The following ARHGAP44 variants were observed in gnomAD, a reference collection of about 807,000 sequenced individuals.
The protein encoded by ARHGAP44 is Rho GTPase activating protein 44, also known as rho GTPase-activating protein 44.
ARHGAP44 carries 43 observed loss-of-function variants against 106.8 expected under a neutral mutation model. The ratio of observed to expected loss-of-function variants is 0.40; its 90% CI spans 0.32 to 0.52. The LOEUF (loss-of-function observed/expected upper bound fraction) is 0.52. Among genes scored for constraint, ARHGAP44 ranks in the 20% least tolerant of loss-of-function variants. The pLI is 0.48. For missense variants in ARHGAP44, 866 were observed against 1,050.5 expected (o/e 0.82, Z 2.43); for synonymous variants, 439 against 410.3 (o/e 1.07, Z -0.85).
intron 16 of ARHGAP44, among the ~76,000 whole-genome samples, chr17:12,968,354 C>T (rs559244037): frequency 2.0e-5 from 3 of 152,190 alleles, no homozygotes; most frequent in Non-Finnish European, 4.4e-5. Flanking sequence ...CTGACGGTTG[C>T]AGGAGGCTCC....
In ARHGAP44 at chr17:12,902,554, T is replaced by C. The variant is rs554814923; in HGVS notation, c.198+6043T>C. The stretch of plus-strand genomic sequence containing the variant: ...CGTTCTCCGTGCCTAAAAAAGAGCC[T>C]GCCCCAGCAGGGCAATGGTACAAGT... On this transcript the variant is annotated intron_variant, in intron 3 of 20. Transcript: ENST00000379672. Among the ~76,000 whole-genome samples, 8 of 152,342 alleles carry C rather than the reference T, an allele frequency of 5.3e-5. No homozygotes were observed. The South Asian group carries it at 1.7e-3, about 32-fold the overall frequency.
At chr17:12,812,340 C>T (rs899711864) in intron 1 of ARHGAP44, among the ~76,000 whole-genome samples, 2 of 151,952 alleles carry the variant, frequency 1.3e-5, no homozygotes, top group African/African-American at 4.8e-5. Context: ...GGTTGGACTT[C>T]GGAAGGACGC....
chr17:12,987,481 A>T, intron 20 of ARHGAP44: 1 of 232,028 alleles, frequency 4.3e-6, no homozygotes, highest in Middle Eastern at 1.5e-3. Flanking sequence ...GAGCTGTAAC[A>T]GATCTGTTCT....
chr17:12,876,909 CAAA>C (rs59331390), intron 1 of ARHGAP44, among the ~76,000 whole-genome samples: 13 of 90,666 alleles, frequency 1.4e-4, no homozygotes, highest in Admixed American at 4.8e-4. Context: ...GACTCCGTCT[CAAA>C]AAAAAAAAAA....
At chr17:12,946,091 C>T (rs910138709) in intron 10 of ARHGAP44, among the ~76,000 whole-genome samples, 15 of 152,146 alleles carry the variant, frequency 9.9e-5, no homozygotes, top group African/African-American at 3.4e-4. Context: ...TCTACCATCC[C>T]TGAGAGAGAG....
chr17:12,875,944 C>CAA (rs80241135), intron 1 of ARHGAP44, among the ~76,000 whole-genome samples: 14 of 109,174 alleles, frequency 1.3e-4, no homozygotes, highest in Admixed American at 1.9e-4. Context: ...GACTTCGTCT[C>CAA]AAAAAAAAAA....
At chr17:12,926,411 A>G (rs1461831163) in intron 6 of ARHGAP44, among the ~76,000 whole-genome samples, 1 of 143,262 alleles carries the variant, frequency 7.0e-6, no homozygotes, top group African/African-American at 2.5e-5. Flanking sequence ...TTGTATATAT[A>G]TAATATATAT....
chr17:12,841,592 TCTCACACACA>T (rs1224595245), intron 1 of ARHGAP44, among the ~76,000 whole-genome samples: 4 of 118,818 alleles, frequency 3.4e-5, no homozygotes, highest in Non-Finnish European at 6.7e-5. Flanking sequence ...TCTGTCTCTC[TCTCACACACA>T]CACACACACA....
intron 1 of ARHGAP44, among the ~76,000 whole-genome samples, chr17:12,799,758 T>C (rs1597856597): frequency 6.6e-6 from 1 of 152,092 alleles, no homozygotes. Flanking sequence ...GCCTCCTGAG[T>C]AGCTGAGATT....
chr17:12,939,280 T>C (rs1306845081), intron 7 of ARHGAP44, among the ~76,000 whole-genome samples: 1 of 151,980 alleles, frequency 6.6e-6, no homozygotes, highest in Non-Finnish European at 1.5e-5. Flanking sequence ...CAGCAAACAG[T>C]TGTGGCGCCC....
At chr17:12,985,451 C>T (rs530140858) in intron 20 of ARHGAP44, 1 of 152,458 alleles carries the variant, frequency 6.6e-6, no homozygotes, top group South Asian at 2.1e-4. Flanking sequence ...CTCCACCAGA[C>T]TCCCCTCCCT....
At chr17:12,858,708 A>C (rs2035979739) in intron 1 of ARHGAP44, among the ~76,000 whole-genome samples, 1 of 152,162 alleles carries the variant, frequency 6.6e-6, no homozygotes, top group Non-Finnish European at 1.5e-5. Context: ...CAGATGACTA[A>C]ATTGAGATGA....
chr17:12,842,284 G>T (rs2035433237), intron 1 of ARHGAP44, among the ~76,000 whole-genome samples: 1 of 151,830 alleles, frequency 6.6e-6, no homozygotes, highest in Non-Finnish European at 1.5e-5. Context: ...GGATGTGGTG[G>T]CACACACCTG....
intron 1 of ARHGAP44, among the ~76,000 whole-genome samples, chr17:12,808,925 A>G (rs1285894306): frequency 2.0e-5 from 3 of 152,232 alleles, no homozygotes; most frequent in East Asian, 1.9e-4. Flanking sequence ...TTGTGAATAC[A>G]TAAAACTGAA....
chr17:12,932,715 T>C (rs2038436678), intron 7 of ARHGAP44, among the ~76,000 whole-genome samples: 1 of 151,912 alleles, frequency 6.6e-6, no homozygotes. Context: ...TCTTTCTTTT[T>C]TTTTTTTCCA....
In ARHGAP44 at chr17:12,949,600, C is replaced by G. The variant is rs771920163; in HGVS notation, c.974-49C>G. 6.3e-7 allele frequency: 1 copy of G among 1,579,860 alleles called. No homozygotes were observed. Among genetic ancestry groups the G allele is most frequent in the Non-Finnish European group, 8.7e-7 (1 of 1,151,520 alleles). On this transcript the variant is annotated intron_variant, in intron 11 of 20. Coordinates refer to ENST00000379672, the MANE Select transcript of ARHGAP44 (RefSeq NM_014859.6). The surrounding 1 kb of genome is among the most constrained non-coding windows in gnomAD (Gnocchi z 4.1). The stretch of plus-strand genomic sequence containing the variant: ...AGGCAGTGCTGGCTGGTGGGTCTTG[C>G]CTCTGCCACATCATAACAGTTCACA...
Position 12,835,704 on chromosome 17 carries a change from T to G in ARHGAP44, c.53+45813T>G, listed in dbSNP as rs572998512. 3.9e-5 allele frequency among the ~76,000 whole-genome samples: 6 copies of G among 152,346 alleles called. No homozygotes were observed. The South Asian group carries it at 1.0e-3, about 26-fold the overall frequency. On this transcript the variant is annotated intron_variant, in intron 1 of 20. Coordinates refer to ENST00000379672, the MANE Select transcript of ARHGAP44 (RefSeq NM_014859.6). ...CATTTTTAAGTGTACAGTTCAATCT[T>G]GTTAAGTATATTCACATTGTTGTGT...
intron 19 of ARHGAP44, among the ~76,000 whole-genome samples, chr17:12,983,214 G>A (rs977549120): frequency 7.0e-6 from 1 of 143,446 alleles, no homozygotes; most frequent in Non-Finnish European, 1.5e-5. Context: ...GCAGAGAGCC[G>A]AGATCGCGCC....
chr17:12,932,867 A>G (rs1442519033), intron 7 of ARHGAP44, among the ~76,000 whole-genome samples: 2 of 152,228 alleles, frequency 1.3e-5, no homozygotes, highest in African/African-American at 4.8e-5. Context: ...ACGATAGTAT[A>G]CAGTTTCTAT....
Sources: allele counts gnomAD v4.1 joint callset (sites outside exome capture counted in the v4.1 genomes callset), GRCh38; gene constraint gnomAD v4.1.1; non-coding constraint Gnocchi (gnomAD v3.1); transcripts MANE v1.5; gene names NCBI Gene and HGNC (gene_info 2026-07-23, HGNC 2026-07-21).